Variants in CCDC7 observed in about 807,000 individuals in gnomAD.
The protein encoded by CCDC7 is coiled-coil domain containing 7, also known as coiled-coil domain-containing protein 7.
CCDC7 carries 183 observed loss-of-function variants against 196.9 expected under a neutral mutation model. That is an observed-to-expected ratio of 0.93 (90% CI 0.82 to 1.05). The LOEUF is 1.05. Among genes scored for constraint, CCDC7 ranks in the 50% least tolerant of loss-of-function variants. The pLI, the probability that CCDC7 is intolerant of heterozygous loss-of-function variation, is 0.00. For missense variants in CCDC7, 1,540 were observed against 1,482.2 expected (o/e 1.04, Z -0.64); for synonymous variants, 525 against 484.6 (o/e 1.08, Z -1.10).
intron 20 of CCDC7, among the ~76,000 whole-genome samples, chr10:32,637,175 A>G (rs2065812934): frequency 6.6e-6 from 1 of 152,154 alleles, no homozygotes; most frequent in East Asian, 1.9e-4. Context: ...CCCATTCTGT[A>G]GGCTGCCTGT....
intron 28 of CCDC7, among the ~76,000 whole-genome samples, chr10:32,732,012 CT>C (rs2084060940): frequency 6.6e-6 from 1 of 152,156 alleles, no homozygotes; most frequent in South Asian, 2.1e-4. Flanking sequence ...GAATCGGCCA[CT>C]GCACTCCAGC....
intron 26 of CCDC7, among the ~76,000 whole-genome samples, chr10:32,727,909 C>T (rs2083356162): frequency 1.3e-5 from 2 of 152,148 alleles, no homozygotes; most frequent in South Asian, 4.1e-4. Flanking sequence ...ATTGTTCTTA[C>T]TCTTGATTGT....
Position 32,855,114 on chromosome 10 carries a change from T to G in CCDC7, c.4111+625T>G, listed in dbSNP as rs1251524923. ...AAATATTAAGAATATTAAATAATAT[T>G]GTTAAGATATCAGTACCACTCAAAG... On this transcript the variant is annotated intron_variant, in intron 41 of 41. Coordinates refer to ENST00000639629, the Ensembl canonical transcript of CCDC7. Among the ~76,000 whole-genome samples, 3 of 152,174 alleles carry G rather than the reference T, an allele frequency of 2.0e-5. No homozygotes were observed. In the East Asian group the frequency reaches 5.8e-4, roughly 29 times the overall value.
Position 32,795,527 on chromosome 10 carries a change from G to A in CCDC7, c.3014-9488G>A, listed in dbSNP as rs115030440. Among the ~76,000 whole-genome samples the A allele has an allele frequency of 9.5e-3, 1,452 of 152,060 alleles. 21 individuals are homozygous for A. The highest frequency in any genetic ancestry group is 0.033 in the African/African-American group (1,383 of 41,478). ...TTAAAACTTCTATTTTGAATTTTTG[G>A]TCGGAAAACTCTCATCATCTCATTA... On this transcript the variant is annotated intron_variant, in intron 29 of 41. Coordinates refer to ENST00000639629, the Ensembl canonical transcript of CCDC7.
chr10:32,446,783 C>G (rs1434680813), upstream of CCDC7, among the ~76,000 whole-genome samples: 1 of 152,092 alleles, frequency 6.6e-6, no homozygotes, highest in Admixed American at 6.5e-5. Flanking sequence ...TAAATATTTG[C>G]TTGCTAATAC....
At chr10:32,696,116 C>T (rs559039706) in intron 24 of CCDC7, among the ~76,000 whole-genome samples, 1 of 151,892 alleles carries the variant, frequency 6.6e-6, no homozygotes, top group South Asian at 2.1e-4. Context: ...CTAATTGCAA[C>T]AATTCGCCTC....
At chr10:32,707,756 A>G (rs921472581) in intron 24 of CCDC7, among the ~76,000 whole-genome samples, 1 of 152,210 alleles carries the variant, frequency 6.6e-6, no homozygotes, top group African/African-American at 2.4e-5. Context: ...TGGGAATCCA[A>G]CTTACAAGGG....
upstream of CCDC7, among the ~76,000 whole-genome samples, chr10:32,447,919 A>G (rs1410345331): frequency 6.6e-6 from 1 of 152,110 alleles, no homozygotes; most frequent in African/African-American, 2.4e-5. Flanking sequence ...CGAAAAATGT[A>G]AAAGGGAATA....
chr10:32,592,146 G>A (rs2059837984), intron 18 of CCDC7, among the ~76,000 whole-genome samples: 1 of 152,080 alleles, frequency 6.6e-6, no homozygotes, highest in South Asian at 2.1e-4. Context: ...TTGTTTTACA[G>A]TTGTGCATTG....
chr10:32,601,769 T>C (rs1200784010), intron 18 of CCDC7, among the ~76,000 whole-genome samples: 1 of 152,144 alleles, frequency 6.6e-6, no homozygotes, highest in Non-Finnish European at 1.5e-5. Context: ...ACTCTGTGTC[T>C]AGCTAAAGGA....
chr10:32,872,712 G>T (rs565908976), intron 41 of CCDC7, among the ~76,000 whole-genome samples: 9 of 152,082 alleles, frequency 5.9e-5, no homozygotes, highest in Admixed American at 5.9e-4. Flanking sequence ...CTTCCTTCAG[G>T]AGCTCTTTTA....
intron 24 of CCDC7, among the ~76,000 whole-genome samples, chr10:32,701,117 C>A (rs182321116): frequency 2.4e-3 from 370 of 152,308 alleles, no homozygotes; most frequent in Middle Eastern, 3.4e-3. Flanking sequence ...TAAGAGAGGG[C>A]ATCCCTGTCT....
At chr10:32,865,120 T>A (rs1338620888) in intron 41 of CCDC7, among the ~76,000 whole-genome samples, 1 of 151,772 alleles carries the variant, frequency 6.6e-6, no homozygotes, top group Non-Finnish European at 1.5e-5. Context: ...ATTAAAAACT[T>A]CACACATAAA....
intron 18 of CCDC7, among the ~76,000 whole-genome samples, chr10:32,631,672 CA>C (rs35507467): frequency 0.86 from 122,474 of 142,882 alleles, 53,091 homozygotes; most frequent in East Asian, 0.99. Context: ...TCAATTTCTA[CA>C]AAAAAAAAAA....
intron 18 of CCDC7, among the ~76,000 whole-genome samples, chr10:32,592,157 T>C (rs921097651): frequency 2.6e-5 from 4 of 152,202 alleles, no homozygotes; most frequent in Non-Finnish European, 5.9e-5. Context: ...TTGTGCATTG[T>C]ATTTTCTTAT....
intron 9 of CCDC7, among the ~76,000 whole-genome samples, chr10:32,516,783 CT>C (rs1164391064): frequency 6.6e-6 from 1 of 152,158 alleles, no homozygotes; most frequent in East Asian, 1.9e-4. Flanking sequence ...AATACAGAGT[CT>C]GCATATGATT....
chr10:32,616,339 A>C (rs780127097), intron 18 of CCDC7, among the ~76,000 whole-genome samples: 4 of 151,888 alleles, frequency 2.6e-5, no homozygotes, highest in African/African-American at 4.8e-5. Flanking sequence ...TTCTTTCATT[A>C]GTGTGTTATA....
chr10:32,597,369 A>C (rs1405862968), intron 18 of CCDC7, among the ~76,000 whole-genome samples: 1 of 152,202 alleles, frequency 6.6e-6, no homozygotes, highest in East Asian at 1.9e-4. Flanking sequence ...TTTCAGCTCC[A>C]TCAAGTCATT....
chr10:32,797,575 G>A (rs1297694512), intron 29 of CCDC7, among the ~76,000 whole-genome samples: 10 of 145,084 alleles, frequency 6.9e-5, no homozygotes, highest in East Asian at 2.1e-4. Flanking sequence ...TATACTGCTC[G>A]TCTGATGGGC....
Sources: gnomAD v4.1 joint callset for allele counts (sites outside exome capture counted in the v4.1 genomes callset) on GRCh38, gnomAD v4.1.1 for gene constraint, MANE v1.5 for transcripts, NCBI Gene and HGNC (gene_info 2026-07-23, HGNC 2026-07-21) for gene names.